The following SLC14A2 variants were observed in gnomAD, a reference collection of about 807,000 sequenced individuals.
SLC14A2 encodes the protein urea transporter 2.
SLC14A2 carries 91 observed loss-of-function variants against 104.6 expected under a neutral mutation model. The ratio of observed to expected loss-of-function variants is 0.87; its 90% CI spans 0.73 to 1.04. SLC14A2 has a LOEUF of 1.04. Among genes scored for constraint, SLC14A2 ranks in the 50% least tolerant of loss-of-function variants. The pLI, the probability that SLC14A2 is intolerant of heterozygous loss-of-function variation, is 0.00. For synonymous variants in SLC14A2, 476 were observed against 466.4 expected (o/e 1.02, Z -0.27); for missense variants, 1,189 against 1,156.0 (o/e 1.03, Z -0.41).
chr18:45,661,319 A>C (rs936725932), intron 10 of SLC14A2, among the ~76,000 whole-genome samples: 1 of 152,230 alleles, frequency 6.6e-6, no homozygotes, highest in Non-Finnish European at 1.5e-5. Context: ...TGTTTTGTTA[A>C]ACTGGAGTGC....
intron 1 of SLC14A2, among the ~76,000 whole-genome samples, chr18:45,617,002 G>T (rs1261617444): frequency 1.3e-5 from 2 of 152,150 alleles, no homozygotes; most frequent in Non-Finnish European, 2.9e-5. Context: ...GGAGGCTGAG[G>T]CAGGAGAATT....
intron 9 of SLC14A2, 130 bp from the exon 10 acceptor site, chr18:45,643,856 G>A: frequency 5.1e-6 from 4 of 789,588 alleles, no homozygotes; most frequent in Non-Finnish European, 4.1e-6. Context: ...TGCAAATCCA[G>A]GAATATCAAT....
intron 10 of SLC14A2, among the ~76,000 whole-genome samples, chr18:45,662,159 CG>C (rs1567999084): frequency 1.3e-5 from 2 of 152,060 alleles, no homozygotes; most frequent in Non-Finnish European, 2.9e-5. Flanking sequence ...AAAAATTAGC[CG>C]GGTGTGATGG....
intron 1 of SLC14A2, among the ~76,000 whole-genome samples, chr18:45,274,740 A>G (rs1377014772): frequency 2.0e-5 from 3 of 152,260 alleles, no homozygotes; most frequent in Non-Finnish European, 4.4e-5. Flanking sequence ...GGCCTTGCCC[A>G]AGGGAGTCTG....
At chr18:45,338,414 G>A (rs1408890608) in intron 1 of SLC14A2, among the ~76,000 whole-genome samples, 5 of 151,914 alleles carry the variant, frequency 3.3e-5, no homozygotes, top group African/African-American at 1.2e-4. Context: ...TCTTAGCCAG[G>A]ATGGTTTCGA....
intron 2 of SLC14A2, among the ~76,000 whole-genome samples, chr18:45,566,034 AAC>A (rs1445887773): frequency 1.3e-5 from 2 of 152,240 alleles, no homozygotes; most frequent in African/African-American, 4.8e-5. Context: ...TCCTTAAGGA[AAC>A]AAAGCATTTC....
intron 1 of SLC14A2, among the ~76,000 whole-genome samples, chr18:45,380,809 C>T (rs1038650850): frequency 5.3e-5 from 8 of 152,166 alleles, no homozygotes; most frequent in African/African-American, 1.9e-4. Flanking sequence ...TTAGAAGTTG[C>T]TCTTTTCTCT....
At chr18:45,596,527 G>A (rs1311480830) in intron 2 of SLC14A2, among the ~76,000 whole-genome samples, 9 of 152,216 alleles carry the variant, frequency 5.9e-5, no homozygotes, top group Admixed American at 5.2e-4. Context: ...AGTGAGGTCT[G>A]TAGGGCTATG....
intron 2 of SLC14A2, among the ~76,000 whole-genome samples, chr18:45,545,151 C>A (rs1289973950): frequency 2.0e-5 from 3 of 152,216 alleles, no homozygotes; most frequent in Non-Finnish European, 4.4e-5. Flanking sequence ...CCCAAACTTT[C>A]AAGCTAAACA....
intron 1 of SLC14A2, among the ~76,000 whole-genome samples, chr18:45,269,059 G>A (rs2084623566): frequency 4.0e-5 from 6 of 151,700 alleles, no homozygotes. Context: ...TCCTGAGGGG[G>A]ATTCCTTCTT....
intron 18 of SLC14A2, among the ~76,000 whole-genome samples, chr18:45,676,575 T>C (rs2046232993): frequency 6.6e-6 from 1 of 151,782 alleles, no homozygotes; most frequent in South Asian, 2.1e-4. Context: ...CTGATGACAT[T>C]TTTCTGTGTC....
chr18:45,314,310 C>T (rs955765968), intron 1 of SLC14A2, among the ~76,000 whole-genome samples: 2 of 152,162 alleles, frequency 1.3e-5, no homozygotes. Flanking sequence ...AGTGGAATCT[C>T]CATAAATAAG....
chr18:45,233,176 C>G (rs1568112435), intron 1 of SLC14A2, among the ~76,000 whole-genome samples: 2 of 152,144 alleles, frequency 1.3e-5, no homozygotes, highest in Non-Finnish European at 2.9e-5. Flanking sequence ...GTTCCTGTTG[C>G]TGGAGAGGCT....
chr18:45,675,709 A>ATTTTTTT (rs71177687), intron 18 of SLC14A2, among the ~76,000 whole-genome samples: 25 of 78,386 alleles, frequency 3.2e-4, no homozygotes, highest in African/African-American at 1.0e-3. Context: ...ATATATATAT[A>ATTTTTTT]TTTTTTTTTT....
At chr18:45,607,164 C>T (rs1445967309) in intron 2 of SLC14A2, among the ~76,000 whole-genome samples, 1 of 152,066 alleles carries the variant, frequency 6.6e-6, no homozygotes, top group Admixed American at 6.5e-5. Flanking sequence ...GGTATGTCCC[C>T]AAGGGGTAGC....
At chr18:45,517,469 G>C (rs1195871009) in intron 2 of SLC14A2, among the ~76,000 whole-genome samples, 1 of 152,150 alleles carries the variant, frequency 6.6e-6, no homozygotes, top group Non-Finnish European at 1.5e-5. Context: ...TTTTCTGATG[G>C]GAATTAAAAG....
At chr18:45,654,612 A>C (rs2045799565) in intron 10 of SLC14A2, among the ~76,000 whole-genome samples, 1 of 152,218 alleles carries the variant, frequency 6.6e-6, no homozygotes, top group African/African-American at 2.4e-5. Flanking sequence ...AACCTTACTA[A>C]GAATTCCAGA....
chr18:45,442,184 C>A, intron 1 of SLC14A2, among the ~76,000 whole-genome samples: 1 of 152,160 alleles, frequency 6.6e-6, no homozygotes, highest in East Asian at 1.9e-4. Flanking sequence ...AGTTATTTAA[C>A]TGATGTGAGC....
intron 1 of SLC14A2, among the ~76,000 whole-genome samples, chr18:45,225,274 T>C (rs1311240176): frequency 1.3e-5 from 2 of 152,166 alleles, no homozygotes; most frequent in African/African-American, 4.8e-5. Context: ...CTTGTTTTTG[T>C]CAGGTTTGTC....
Sources: gnomAD v4.1 joint callset for allele counts (sites outside exome capture counted in the v4.1 genomes callset) on GRCh38, gnomAD v4.1.1 for gene constraint, MANE v1.5 for transcripts, NCBI Gene and HGNC (gene_info 2026-07-23, HGNC 2026-07-21) for gene names.